Variants in CADM2 observed in about 807,000 individuals in gnomAD.
CADM2 encodes immunoglobulin superfamily member 4D.
A neutral mutation model predicts 49.8 loss-of-function variants in CADM2; 12 were observed. The observed-to-expected ratio is 0.24, with a 90% CI of 0.15 to 0.39. The LOEUF is 0.39. Among genes scored for constraint, CADM2 ranks in the 10% least tolerant of loss-of-function variants. The pLI is 1.00. For synonymous variants in CADM2, 214 were observed against 175.4 expected, an observed-to-expected ratio of 1.22 and a Z score of -1.74; for missense variants, 378 against 492.3, an observed-to-expected ratio of 0.77 and a Z score of 2.20.
At chr3:85,162,613 A>T (rs1004564060) in intron 1 of CADM2, among the ~76,000 whole-genome samples, 11 of 152,122 alleles carry the variant, frequency 7.2e-5, no homozygotes, top group Non-Finnish European at 1.3e-4. Context: ...GAGTTTATAC[A>T]AAAAGGCTTG....
intron 7 of CADM2, among the ~76,000 whole-genome samples, chr3:85,954,312 T>C (rs1723787352): frequency 6.6e-6 from 1 of 151,036 alleles, no homozygotes; most frequent in Non-Finnish European, 1.5e-5. Flanking sequence ...ATTTACTTGA[T>C]CTTCAATAAC....
intron 1 of CADM2, among the ~76,000 whole-genome samples, chr3:85,042,638 C>T (rs2035486563): frequency 6.6e-6 from 1 of 152,120 alleles, no homozygotes; most frequent in African/African-American, 2.4e-5. Context: ...AAATAAATAG[C>T]ATTGAAAGTG....
At chr3:85,927,066 T>C (rs1056995150) in intron 6 of CADM2, among the ~76,000 whole-genome samples, 1 of 152,180 alleles carries the variant, frequency 6.6e-6, no homozygotes, top group Non-Finnish European at 1.5e-5. Context: ...GAATTTTTGG[T>C]ATGCTTTATA....
chr3:86,020,372 G>A (rs1006012601), intron 8 of CADM2, among the ~76,000 whole-genome samples: 29 of 151,966 alleles, frequency 1.9e-4, no homozygotes, highest in South Asian at 4.2e-4. Flanking sequence ...AAGAGTCCAG[G>A]ACCAGAAGGA....
intron 5 of CADM2, among the ~76,000 whole-genome samples, chr3:85,889,318 A>G (rs1279070266): frequency 6.6e-6 from 1 of 152,172 alleles, no homozygotes; most frequent in Non-Finnish European, 1.5e-5. Context: ...TGGTTATAGA[A>G]CAGTGGTTCT....
At chr3:85,922,997 A>G (rs1577673654) in intron 6 of CADM2, among the ~76,000 whole-genome samples, 1 of 151,450 alleles carries the variant, frequency 6.6e-6, no homozygotes, top group East Asian at 2.0e-4. Flanking sequence ...AATTTTTTGT[A>G]TTTTTTTAGT....
At chr3:85,327,576 ACACACACACACAC>A (rs1675545498) in intron 1 of CADM2, among the ~76,000 whole-genome samples, 3 of 145,320 alleles carry the variant, frequency 2.1e-5, no homozygotes, top group African/African-American at 8.2e-5. Context: ...ACACACACAC[ACACACACACACAC>A]CACACACACA....
At chr3:85,233,428 CAT>C (rs2042343264) in intron 1 of CADM2, among the ~76,000 whole-genome samples, 1 of 152,070 alleles carries the variant, frequency 6.6e-6, no homozygotes, top group African/African-American at 2.4e-5. Context: ...CATCGTAACT[CAT>C]GTGCCACACT....
chr3:85,056,106 C>G (rs2036069703), intron 1 of CADM2, among the ~76,000 whole-genome samples: 1 of 151,998 alleles, frequency 6.6e-6, no homozygotes, highest in Non-Finnish European at 1.5e-5. Flanking sequence ...TTATTATACA[C>G]ATTAATTATT....
At chr3:85,443,218 G>A (rs1388512450) in intron 1 of CADM2, among the ~76,000 whole-genome samples, 1 of 152,002 alleles carries the variant, frequency 6.6e-6, no homozygotes, top group Non-Finnish European at 1.5e-5. Flanking sequence ...ATTAAATTAT[G>A]AATTGTTAAC....
intron 1 of CADM2, among the ~76,000 whole-genome samples, chr3:85,686,347 G>T (rs1004633183): frequency 2.0e-5 from 3 of 152,042 alleles, no homozygotes; most frequent in Non-Finnish European, 4.4e-5. Flanking sequence ...TGCCTTCTAT[G>T]AATTTTTAAA....
chr3:85,083,412 C>A (rs2037247779), intron 1 of CADM2, among the ~76,000 whole-genome samples: 1 of 152,108 alleles, frequency 6.6e-6, no homozygotes, highest in Non-Finnish European at 1.5e-5. Context: ...TTTACCTTTT[C>A]TTCTCCTTCA....
chr3:85,474,261 C>A (rs1440017566), intron 1 of CADM2, among the ~76,000 whole-genome samples: 1 of 151,562 alleles, frequency 6.6e-6, no homozygotes, highest in Non-Finnish European at 1.5e-5. Context: ...CTGAACTCTG[C>A]AGAGTAGGCT....
chr3:85,542,353 A>G (rs1260131054), intron 1 of CADM2, among the ~76,000 whole-genome samples: 3 of 152,114 alleles, frequency 2.0e-5, no homozygotes, highest in Admixed American at 6.6e-5. Context: ...TTGAACAAAG[A>G]CCTTTTGATT....
At chr3:85,808,300 C>G (rs2072583748) in intron 3 of CADM2, among the ~76,000 whole-genome samples, 1 of 152,152 alleles carries the variant, frequency 6.6e-6, no homozygotes, top group Non-Finnish European at 1.5e-5. Flanking sequence ...TTATAATCCT[C>G]TTCTCTTTCT....
intron 1 of CADM2, among the ~76,000 whole-genome samples, chr3:84,985,698 A>G (rs2032513177): frequency 6.6e-6 from 1 of 152,212 alleles, no homozygotes; most frequent in Non-Finnish European, 1.5e-5. Flanking sequence ...CAATGTCACT[A>G]AAAGCAAGCT....
At chr3:85,745,650 G>A (rs2068586464) in intron 2 of CADM2, among the ~76,000 whole-genome samples, 1 of 152,122 alleles carries the variant, frequency 6.6e-6, no homozygotes, top group Admixed American at 6.6e-5. Context: ...AAAATCACTT[G>A]AGACCAAGAG....
chr3:85,200,281 G>T (rs1458075076), intron 1 of CADM2, among the ~76,000 whole-genome samples: 2 of 152,006 alleles, frequency 1.3e-5, no homozygotes, highest in Non-Finnish European at 2.9e-5. Context: ...ACAAAACTGT[G>T]TTTTCCCTTG....
intron 1 of CADM2, among the ~76,000 whole-genome samples, chr3:85,655,712 A>G (rs2065176588): frequency 6.6e-6 from 1 of 152,202 alleles, no homozygotes; most frequent in Admixed American, 6.5e-5. Flanking sequence ...ATTCAAACCC[A>G]AACCCAGCAG....
Sources: gnomAD v4.1 joint callset for allele counts (sites outside exome capture counted in the v4.1 genomes callset) on GRCh38, gnomAD v4.1.1 for gene constraint, MANE v1.5 for transcripts, NCBI Gene and HGNC (gene_info 2026-07-23, HGNC 2026-07-21) for gene names.